LOC128125817: variants seen among roughly 807,000 people sequenced by gnomAD.
the LOC128125817 span, among the ~76,000 whole-genome samples, chr1:41,620,893 G>A: frequency 6.6e-6 from 1 of 152,208 alleles, no homozygotes; most frequent in Non-Finnish European, 1.5e-5. Context: ...GGGTACCGGA[G>A]GCATTTGCCT....
At chr1:41,622,020 G>C in the LOC128125817 span, among the ~76,000 whole-genome samples, 1 of 152,206 alleles carries the variant, frequency 6.6e-6, no homozygotes, top group Non-Finnish European at 1.5e-5. Context: ...GCTGGCTTTT[G>C]ACTGGCTCAT....
the LOC128125817 span, among the ~76,000 whole-genome samples, chr1:41,590,545 T>G: frequency 2.1e-3 from 325 of 152,270 alleles, 1 homozygote; most frequent in South Asian, 4.8e-3. Flanking sequence ...CAAGGAACAG[T>G]GGGACAAGAA....
At chr1:41,624,496 G>A in the LOC128125817 span, among the ~76,000 whole-genome samples, 4 of 152,158 alleles carry the variant, frequency 2.6e-5, no homozygotes, top group South Asian at 2.1e-4. Flanking sequence ...GACCTTCACC[G>A]TTGAAATGTA....
chr1:41,587,826 T>C, the LOC128125817 span, among the ~76,000 whole-genome samples: 69,334 of 152,018 alleles, frequency 0.46, 16,361 homozygotes, highest in South Asian at 0.52. Flanking sequence ...CCTCAATTAA[T>C]AGAAGTTCTC....
chr1:41,628,632 C>T, the LOC128125817 span: 23 of 847,350 alleles, frequency 2.7e-5, no homozygotes, highest in East Asian at 6.7e-5. Flanking sequence ...AGAAAGGCAA[C>T]GATAACACTA....
chr1:41,607,777 C>G, the LOC128125817 span, among the ~76,000 whole-genome samples: 1 of 152,188 alleles, frequency 6.6e-6, no homozygotes, highest in Non-Finnish European at 1.5e-5. Flanking sequence ...GTGGCTTAGA[C>G]GAGACAGTTT....
the LOC128125817 span, among the ~76,000 whole-genome samples, chr1:41,595,165 T>C: frequency 4.0e-3 from 615 of 152,346 alleles, 4 homozygotes; most frequent in African/African-American, 0.014. Flanking sequence ...TTGGGGAAGC[T>C]GATGAAATTC....
chr1:41,604,906 C>G, the LOC128125817 span, among the ~76,000 whole-genome samples: 1 of 151,742 alleles, frequency 6.6e-6, no homozygotes. Flanking sequence ...GAATTCGAGA[C>G]CAGCTTGGGC....
chr1:41,606,176 A>G, the LOC128125817 span, among the ~76,000 whole-genome samples: 2 of 151,840 alleles, frequency 1.3e-5, no homozygotes, highest in Non-Finnish European at 2.9e-5. Flanking sequence ...CTTCCACCCC[A>G]TCTCACAATT....
the LOC128125817 span, among the ~76,000 whole-genome samples, chr1:41,592,120 G>A: frequency 6.6e-6 from 1 of 152,148 alleles, no homozygotes; most frequent in Non-Finnish European, 1.5e-5. Context: ...ACAGGCAGCC[G>A]GCTGCCTCCC....
At chr1:41,603,625 G>A in the LOC128125817 span, among the ~76,000 whole-genome samples, 1 of 152,334 alleles carries the variant, frequency 6.6e-6, no homozygotes, top group Admixed American at 6.5e-5. Flanking sequence ...CTCCCAAAGT[G>A]CTGGGATTAC....
the LOC128125817 span, among the ~76,000 whole-genome samples, chr1:41,590,840 G>A: frequency 3.3e-5 from 5 of 152,106 alleles, no homozygotes; most frequent in Admixed American, 2.6e-4. Context: ...CCATGCATGC[G>A]GCAACACAGC....
chr1:41,592,473 G>A, the LOC128125817 span, among the ~76,000 whole-genome samples: 6 of 152,316 alleles, frequency 3.9e-5, no homozygotes, highest in Admixed American at 3.3e-4. Flanking sequence ...TTGACCTTAA[G>A]CTGAGGAGAA....
chr1:41,616,075 G>A, the LOC128125817 span, among the ~76,000 whole-genome samples: 1 of 152,064 alleles, frequency 6.6e-6, no homozygotes, highest in African/African-American at 2.4e-5. Flanking sequence ...CAGGTGGGGA[G>A]CTTCTGTCAC....
At chr1:41,595,432 C>A in the LOC128125817 span, among the ~76,000 whole-genome samples, 62 of 152,270 alleles carry the variant, frequency 4.1e-4, no homozygotes, top group African/African-American at 1.5e-3. Flanking sequence ...GAACTCTCTG[C>A]CTTTACACAT....
the LOC128125817 span, among the ~76,000 whole-genome samples, chr1:41,586,671 C>T: frequency 2.0e-5 from 3 of 152,220 alleles, no homozygotes; most frequent in South Asian, 2.1e-4. Context: ...GCTCAGAAGA[C>T]GAACAAGTCT....
the LOC128125817 span, among the ~76,000 whole-genome samples, chr1:41,617,083 CCAAA>C: frequency 6.6e-6 from 1 of 152,164 alleles, no homozygotes; most frequent in Admixed American, 6.5e-5. Context: ...TACTGCCTTT[CCAAA>C]CAGAGACAGG....
chr1:41,622,260 C>T, the LOC128125817 span, among the ~76,000 whole-genome samples: 1 of 152,102 alleles, frequency 6.6e-6, no homozygotes. Flanking sequence ...GACAGGGTAC[C>T]ACAGAATCCC....
At chr1:41,614,732 G>GC in the LOC128125817 span, among the ~76,000 whole-genome samples, 1 of 152,178 alleles carries the variant, frequency 6.6e-6, no homozygotes, top group South Asian at 2.1e-4. Flanking sequence ...CACTTAGAAG[G>GC]CCCCACATGG....
Sources: allele counts gnomAD v4.1 joint callset (sites outside exome capture counted in the v4.1 genomes callset), GRCh38; gene constraint gnomAD v4.1.1; transcripts MANE v1.5.